Variants in CDH13 observed in about 807,000 individuals in gnomAD.
The protein encoded by CDH13 is cadherin-13.
Under a neutral mutation model 63.8 loss-of-function variants are expected in CDH13, and 24 were observed. The ratio of observed to expected loss-of-function variants is 0.38; its 90% CI spans 0.27 to 0.53. The LOEUF (loss-of-function observed/expected upper bound fraction) is 0.53. Among genes scored for constraint, CDH13 ranks in the 20% least tolerant of loss-of-function variants. CDH13 has a pLI of 0.85. For missense variants in CDH13, 1,049 were observed against 903.1 expected (o/e 1.16, Z -2.07); for synonymous variants, 503 against 355.3 (o/e 1.42, Z -4.67).
At chr16:82,639,683 T>C (rs889568644) in intron 1 of CDH13, among the ~76,000 whole-genome samples, 2 of 152,278 alleles carry the variant, frequency 1.3e-5, no homozygotes, top group African/African-American at 2.4e-5. Flanking sequence ...AAGTTTATTT[T>C]TGTCTTACCA....
chr16:82,784,244 G>C (rs1021392488), intron 1 of CDH13, among the ~76,000 whole-genome samples: 2 of 152,172 alleles, frequency 1.3e-5, no homozygotes, highest in African/African-American at 2.4e-5. Flanking sequence ...TCAACATCTG[G>C]TCTTCAAAGT....
chr16:83,492,833 C>T (rs973653402), intron 7 of CDH13, among the ~76,000 whole-genome samples: 1 of 152,160 alleles, frequency 6.6e-6, no homozygotes, highest in African/African-American at 2.4e-5. Flanking sequence ...TAGAAGAAGA[C>T]CTTGATGAGT....
intron 7 of CDH13, among the ~76,000 whole-genome samples, chr16:83,562,537 C>G (rs1314804666): frequency 6.6e-6 from 1 of 152,132 alleles, no homozygotes; most frequent in Non-Finnish European, 1.5e-5. Flanking sequence ...CATAAATCTG[C>G]ATGAGTAAGA....
At chr16:82,757,227 C>T (rs932355271) in intron 1 of CDH13, among the ~76,000 whole-genome samples, 2 of 152,212 alleles carry the variant, frequency 1.3e-5, no homozygotes, top group Admixed American at 6.5e-5. Flanking sequence ...CCTTTCCATG[C>T]CCCTGGATCC....
At chr16:82,749,266 C>T (rs933319556) in intron 1 of CDH13, among the ~76,000 whole-genome samples, 1 of 152,132 alleles carries the variant, frequency 6.6e-6, no homozygotes, top group Admixed American at 6.6e-5. Flanking sequence ...AAGCCCATAC[C>T]TTGAGCTTCC....
At chr16:83,186,354 G>C (rs1004607033) in intron 4 of CDH13, among the ~76,000 whole-genome samples, 1 of 151,848 alleles carries the variant, frequency 6.6e-6, no homozygotes, top group Non-Finnish European at 1.5e-5. Context: ...GGCCAGGAGG[G>C]TCTCAATCTC....
chr16:83,528,678 A>G (rs1212167689), intron 7 of CDH13, among the ~76,000 whole-genome samples: 2 of 152,200 alleles, frequency 1.3e-5, no homozygotes, highest in East Asian at 1.9e-4. Context: ...ATCTATCTCT[A>G]AATTCTCTGA....
At chr16:82,629,454 A>G (rs1021715920) in intron 1 of CDH13, among the ~76,000 whole-genome samples, 1 of 152,262 alleles carries the variant, frequency 6.6e-6, no homozygotes, top group Middle Eastern at 3.4e-3. Context: ...CACGTGCAGA[A>G]CTCTGTGTGC....
intron 3 of CDH13, among the ~76,000 whole-genome samples, chr16:83,106,520 G>A (rs545989831): frequency 8.5e-5 from 13 of 152,256 alleles, no homozygotes; most frequent in South Asian, 6.2e-4. Context: ...CAGCCTGGGC[G>A]ACAAGGCGAG....
chr16:83,431,670 G>A (rs983100483), intron 6 of CDH13, among the ~76,000 whole-genome samples: 2 of 152,150 alleles, frequency 1.3e-5, no homozygotes, highest in South Asian at 2.1e-4. Flanking sequence ...CACATGGTGA[G>A]AGCAGGAGCA....
At chr16:83,349,008 C>A (rs1295490291) in intron 6 of CDH13, among the ~76,000 whole-genome samples, 1 of 152,190 alleles carries the variant, frequency 6.6e-6, no homozygotes, top group Non-Finnish European at 1.5e-5. Flanking sequence ...CGAATGCCCT[C>A]GGCACCAATC....
intron 1 of CDH13, among the ~76,000 whole-genome samples, chr16:82,785,464 A>T (rs1405834157): frequency 6.6e-6 from 1 of 152,238 alleles, no homozygotes; most frequent in African/African-American, 2.4e-5. Flanking sequence ...ATTAGTATGC[A>T]TAATAGAGCA....
chr16:82,865,386 C>A (rs1351326698), intron 2 of CDH13, among the ~76,000 whole-genome samples: 1 of 152,232 alleles, frequency 6.6e-6, no homozygotes, highest in African/African-American at 2.4e-5. Flanking sequence ...GCGTGGACAT[C>A]CAGGTGTTTC....
At chr16:82,815,135 C>T (rs1216041462) in intron 1 of CDH13, among the ~76,000 whole-genome samples, 1 of 152,106 alleles carries the variant, frequency 6.6e-6, no homozygotes, top group Non-Finnish European at 1.5e-5. Flanking sequence ...CACCTGAATG[C>T]ACAGTAGGGT....
intron 1 of CDH13, among the ~76,000 whole-genome samples, chr16:82,694,414 G>A (rs2030006477): frequency 6.6e-6 from 1 of 152,156 alleles, no homozygotes; most frequent in Non-Finnish European, 1.5e-5. Flanking sequence ...GTGTCAATGT[G>A]ATAGACAATA....
At chr16:82,684,316 C>T (rs1394780315) in intron 1 of CDH13, among the ~76,000 whole-genome samples, 1 of 152,148 alleles carries the variant, frequency 6.6e-6, no homozygotes, top group African/African-American at 2.4e-5. Flanking sequence ...TTAAGGGCCC[C>T]TATGAATGTC....
intron 1 of CDH13, among the ~76,000 whole-genome samples, chr16:82,856,749 A>G (rs2039719498): frequency 6.6e-6 from 1 of 151,594 alleles, no homozygotes; most frequent in Non-Finnish European, 1.5e-5. Context: ...AAAAAAATAG[A>G]AAAAATACCA....
intron 10 of CDH13, among the ~76,000 whole-genome samples, chr16:83,687,412 G>A (rs1904413079): frequency 6.6e-6 from 1 of 152,130 alleles, no homozygotes; most frequent in Admixed American, 6.5e-5. Flanking sequence ...CAAACAGGGA[G>A]CCAGCACTTC....
In CDH13 at chr16:83,670,937, C is replaced by A; in HGVS notation, c.1249C>A (p.Pro417Thr). The part of the protein sequence containing the change: ...PGQSFEIHTN[P>T]QTNEGMLSVV... ...GCAGAGCTTTGAAATCCACACCAAC[C>A]CTCAAACCAACGAAGGGATGCTTTC... Residue 417 changes from proline to threonine, a missense_variant, in exon 9 of 14, where the codon CCT becomes ACT. Coordinates refer to ENST00000567109, the MANE Select transcript of CDH13 (RefSeq NM_001257.5). 1.2e-6 allele frequency: 2 copies of A among 1,606,948 alleles called. No homozygotes were observed. Among genetic ancestry groups the A allele is most frequent in the South Asian group, 2.2e-5 (2 of 90,388 alleles).
Sources: gnomAD v4.1 joint callset for allele counts (sites outside exome capture counted in the v4.1 genomes callset) on GRCh38, gnomAD v4.1.1 for gene constraint, MANE v1.5 for transcripts, NCBI Gene and HGNC (gene_info 2026-07-23, HGNC 2026-07-21) for gene names.